The following TBCD variants were observed in gnomAD, a reference collection of about 807,000 sequenced individuals.
TBCD encodes the protein tubulin folding cofactor D, also known as tubulin-specific chaperone D.
TBCD carries 105 observed loss-of-function variants against 169.3 expected under a neutral mutation model. The ratio of observed to expected loss-of-function variants is 0.62; its 90% CI spans 0.53 to 0.73. TBCD has a LOEUF of 0.73. Among genes scored for constraint, TBCD ranks in the 30% least tolerant of loss-of-function variants. The pLI, the probability that TBCD is intolerant of heterozygous loss-of-function variation, is 0.00. For missense variants in TBCD, 1,444 were observed against 1,600.1 expected (o/e 0.90, Z 1.66); for synonymous variants, 700 against 643.9 (o/e 1.09, Z -1.32).
At chr17:82,879,661 A>G (rs1477070726) in intron 14 of TBCD, among the ~76,000 whole-genome samples, 7 of 152,280 alleles carry the variant, frequency 4.6e-5, no homozygotes, top group South Asian at 2.1e-4. Context: ...TGCTTCTTCA[A>G]TCTGCATGTG....
Position 82,915,732 on chromosome 17 carries a change from C to T in TBCD, c.2038+3943C>T, listed in dbSNP as rs1013201392. 6.6e-6 allele frequency among the ~76,000 whole-genome samples: 1 copy of T among 152,164 alleles called. No individual in the cohort carries two copies. Among genetic ancestry groups the T allele is most frequent in the Non-Finnish European group, 1.5e-5 (1 of 68,024 alleles). Reference sequence around the variant, plus strand: ...GGGTCATCTGGCTCACAGCCTTGCACCAGAGGCGTCACGAGAATCAGGAAA... The same window carrying T: ...GGGTCATCTGGCTCACAGCCTTGCATCAGAGGCGTCACGAGAATCAGGAAA... On this transcript the variant is annotated intron_variant, in intron 23 of 38. Transcript: ENST00000355528. This position sits in a 1 kb window ranked among gnomAD's most constrained non-coding sequence, Gnocchi z 4.3.
intron 2 of TBCD, among the ~76,000 whole-genome samples, chr17:82,759,758 C>T (rs1447389413): frequency 1.3e-5 from 2 of 152,182 alleles, no homozygotes; most frequent in African/African-American, 4.8e-5. Context: ...TTAGTGGCCT[C>T]TCCCCTACTT....
chr17:82,797,596 ATTACT>A (rs1261205661), intron 7 of TBCD, among the ~76,000 whole-genome samples, 156 bp from the exon 8 acceptor site: 1 of 152,126 alleles, frequency 6.6e-6, no homozygotes, highest in Non-Finnish European at 1.5e-5. Flanking sequence ...GTCTCTTATA[ATTACT>A]TTATCATGTA....
Position 82,867,650 on chromosome 17 carries a change from G to A in TBCD, c.1319-2574G>A, listed in dbSNP as rs183797409. On this transcript the variant is annotated intron_variant, in intron 13 of 38. Coordinates refer to ENST00000355528, the MANE Select transcript of TBCD (RefSeq NM_005993.5). ...TCACAGATTTGGTTTAGTTCGGATC[G>A]AGGTAATCATCTTGAACCCGCTTAT... 4.4e-4 allele frequency among the ~76,000 whole-genome samples: 67 copies of A among 152,326 alleles called. No individual in the cohort carries two copies. The Middle Eastern group carries it at 0.01, about 23-fold the overall frequency.
At chr17:82,779,857 C>T (rs920048352) in intron 6 of TBCD, among the ~76,000 whole-genome samples, 2 of 152,166 alleles carry the variant, frequency 1.3e-5, no homozygotes, top group African/African-American at 2.4e-5. Context: ...GTAGCTGTCT[C>T]GTGGGCGTCG....
chr17:82,843,300 A>T (rs985012248), intron 13 of TBCD, among the ~76,000 whole-genome samples: 24 of 133,236 alleles, frequency 1.8e-4, no homozygotes, highest in African/African-American at 6.6e-4. Context: ...TGTCCAGCTT[A>T]CTTACCCTTC....
At chr17:82,855,235 CTTTTTTTTT>C (rs58346723) in intron 13 of TBCD, among the ~76,000 whole-genome samples, 920 of 53,942 alleles carry the variant, frequency 0.017, 3 homozygotes, top group Middle Eastern at 0.034. Flanking sequence ...AAGGTGTTTG[CTTTTTTTTT>C]TTTTTTTTTT....
intron 18 of TBCD, among the ~76,000 whole-genome samples, chr17:82,902,314 A>G (rs939467621): frequency 1.3e-5 from 2 of 152,110 alleles, no homozygotes; most frequent in Non-Finnish European, 2.9e-5. Context: ...AGTTTATTTT[A>G]TTTAGTTTAT....
At chr17:82,839,601 G>A (rs531037680) in intron 13 of TBCD, among the ~76,000 whole-genome samples, 144 of 152,278 alleles carry the variant, frequency 9.5e-4, no homozygotes, top group African/African-American at 2.7e-3. Context: ...AGCATTTATT[G>A]TAGTTTGTTT....
At chr17:82,887,627 A>C (rs975866305) in intron 15 of TBCD, among the ~76,000 whole-genome samples, 1 of 152,134 alleles carries the variant, frequency 6.6e-6, no homozygotes, top group African/African-American at 2.4e-5. Context: ...CTCTGGGTTA[A>C]ATGCCAGGAG....
At chr17:82,935,780 G>A (rs1383577219) in intron 34 of TBCD, among the ~76,000 whole-genome samples, 1 of 152,128 alleles carries the variant, frequency 6.6e-6, no homozygotes. Context: ...TGTAATTTGC[G>A]TTACTTTGAA....
intron 17 of TBCD, among the ~76,000 whole-genome samples, chr17:82,899,261 G>A (rs551389491): frequency 2.0e-4 from 29 of 145,050 alleles, no homozygotes; most frequent in Non-Finnish European, 3.6e-4. Context: ...TGTCCTCAGC[G>A]TGCGTGTCCT....
In TBCD at chr17:82,831,280, T is replaced by C. The variant is rs34687659; in HGVS notation, c.1318+16346T>C. 7.4e-3 allele frequency: 12,003 copies of C among 1,613,872 alleles called. 755 individuals carry two copies. The African/African-American group carries it at 0.14, about 19-fold the overall frequency. On this transcript the variant is annotated intron_variant, in intron 13 of 38. Transcript: ENST00000355528. The surrounding 1 kb of genome is among the most constrained non-coding windows in gnomAD (Gnocchi z 4.6). ...CATTTTGGACCCTTCCGTGTCTCTC[T>C]GCCCAGCCTTGGAGGAGTCTTTAGC...
intron 9 of TBCD, among the ~76,000 whole-genome samples, chr17:82,805,152 C>T (rs550480665): frequency 6.6e-6 from 1 of 152,242 alleles, no homozygotes; most frequent in African/African-American, 2.4e-5. Context: ...CTGGGCTGCA[C>T]GCCGAGCGCA....
intron 13 of TBCD, among the ~76,000 whole-genome samples, chr17:82,834,561 T>C (rs2053802473): frequency 1.3e-5 from 2 of 152,168 alleles, no homozygotes; most frequent in African/African-American, 4.8e-5. Flanking sequence ...ATCATGTCCT[T>C]CGCAGGGAGA....
Position 82,917,009 on chromosome 17 carries a change from T to C in TBCD, c.2039-3547T>C, listed in dbSNP as rs1014625079. 4.8e-5 allele frequency among the ~76,000 whole-genome samples: 5 copies of C among 103,886 alleles called. No individual in the cohort carries two copies. The East Asian group carries it at 1.3e-3, about 28-fold the overall frequency. 68.2% of individuals were successfully genotyped at this position (103,886 alleles called of 152,430 possible). On this transcript the variant is annotated intron_variant, in intron 23 of 38. Coordinates refer to ENST00000355528, the MANE Select transcript of TBCD (RefSeq NM_005993.5). ...TTGTCTTATTCAGTTTGGACTTTTTTTTTTCTTTTCTTTTCTTTTTTTTTT... is the reference window on the plus strand; with the variant it reads ...TTGTCTTATTCAGTTTGGACTTTTTCTTTTCTTTTCTTTTCTTTTTTTTTT...
intron 17 of TBCD, among the ~76,000 whole-genome samples, chr17:82,899,935 AT>A (rs1338653912): frequency 6.6e-6 from 1 of 152,160 alleles, no homozygotes; most frequent in Non-Finnish European, 1.5e-5. Flanking sequence ...TTATGTACAA[AT>A]TTTGTATCAA....
At chr17:82,847,073 C>T (rs184817584) in intron 13 of TBCD, among the ~76,000 whole-genome samples, 113 of 152,242 alleles carry the variant, frequency 7.4e-4, no homozygotes, top group Non-Finnish European at 1.2e-3. Flanking sequence ...AGAAACAGGC[C>T]GGGCGTGGTG....
chr17:82,780,476 T>TTA (rs1483687766), intron 6 of TBCD, among the ~76,000 whole-genome samples: 1 of 151,858 alleles, frequency 6.6e-6, no homozygotes, highest in Non-Finnish European at 1.5e-5. Flanking sequence ...TCTGGGCTAA[T>TTA]TAGCTGGGCA....
Sources: gnomAD v4.1 joint callset for allele counts (sites outside exome capture counted in the v4.1 genomes callset) on GRCh38, gnomAD v4.1.1 for gene constraint, Gnocchi (gnomAD v3.1) non-coding constraint, MANE v1.5 for transcripts, NCBI Gene and HGNC (gene_info 2026-07-23, HGNC 2026-07-21) for gene names.